CCDC12: variants seen among roughly 807,000 people sequenced by gnomAD.
The protein encoded by CCDC12 is coiled-coil domain-containing protein 12.
A neutral mutation model predicts 25.7 loss-of-function variants in CCDC12; 28 were observed. The observed-to-expected ratio is 1.09, with a 90% CI of 0.81 to 1.50. CCDC12 has a LOEUF of 1.50. Ranked by LOEUF, CCDC12 falls within the 40% of genes most tolerant of loss-of-function variation. CCDC12 has a pLI of 0.00. For synonymous variants in CCDC12, 75 were observed against 87.7 expected, an observed-to-expected ratio of 0.86 and a Z score of 0.81; for missense variants, 198 against 210.0, an observed-to-expected ratio of 0.94 and a Z score of 0.35.
chr3:46,923,635 G>T lies in CCDC12; in HGVS notation c.278C>A (p.Ala93Asp). 1 of 1,583,696 alleles carries T rather than the reference G, an allele frequency of 6.3e-7. No individual in the cohort carries two copies. Among genetic ancestry groups the T allele is most frequent in the Non-Finnish European group, 8.6e-7 (1 of 1,164,166 alleles). ...CTCCTCGATGACGGGCTCGGGCTTG[G>T]CGGCCTCCAGCTGCTCCTTCACCTT... is the stretch of plus-strand genomic sequence containing the variant. ...EEKVKEQLEA[A>D]KPEPVIEEVD... Residue 93 changes from alanine (A) to aspartate (D), a missense_variant, in exon 4 of 7, where the codon GCC becomes GAC. By Grantham distance (126) the Ala-to-Asp change is moderately radical. Transcript: ENST00000683445.
At chr3:46,977,440 T>C (rs1450360894), upstream of CCDC12, among the ~76,000 whole-genome samples, 1 of 136,794 alleles carries the variant, frequency 7.3e-6, no homozygotes, top group Non-Finnish European at 1.5e-5. Flanking sequence ...GCCACTGCAC[T>C]CCAGCCTGGC....
chr3:46,981,216 G>A (rs1388212204), upstream of CCDC12, among the ~76,000 whole-genome samples: 2 of 152,094 alleles, frequency 1.3e-5, no homozygotes, highest in Admixed American at 1.3e-4. Flanking sequence ...AGGCCGAGGC[G>A]GGCAGATCAC....
chr3:46,975,338 C>A (rs565276136), intron 1 of CCDC12, among the ~76,000 whole-genome samples: 6 of 151,702 alleles, frequency 4.0e-5, no homozygotes, highest in Admixed American at 6.6e-5. Context: ...GTGCCTGCCA[C>A]CACACCTGGC....
intron 1 of CCDC12, among the ~76,000 whole-genome samples, chr3:46,973,588 T>C (rs1575567117): frequency 1.3e-5 from 2 of 150,912 alleles, no homozygotes; most frequent in East Asian, 3.9e-4. Flanking sequence ...CAAACAGGTA[T>C]CTGTACTCCC....
intron 1 of CCDC12, chr3:46,976,204 C>T: frequency 1.3e-5 from 8 of 595,918 alleles, no homozygotes; most frequent in Non-Finnish European, 1.7e-5. Flanking sequence ...TCACTTGCTG[C>T]CCTGTCCAAG....
chr3:46,950,848 G>C (rs1264067409), intron 1 of CCDC12, among the ~76,000 whole-genome samples: 1 of 152,128 alleles, frequency 6.6e-6, no homozygotes, highest in East Asian at 1.9e-4. Context: ...CCTGTCATTT[G>C]CAACAACATG....
intron 2 of CCDC12, among the ~76,000 whole-genome samples, chr3:46,930,939 T>G (rs938815836): frequency 6.6e-6 from 1 of 152,202 alleles, no homozygotes; most frequent in Non-Finnish European, 1.5e-5. Context: ...CTGCCCTAAA[T>G]GCACCAGGCA....
chr3:46,925,270 C>T (rs528310845), intron 3 of CCDC12, 186 bp downstream of exon 3: 61 of 708,548 alleles, frequency 8.6e-5, no homozygotes, highest in South Asian at 7.5e-4. Context: ...TTCAGTGCCC[C>T]GACAGCCTCT....
At chr3:46,961,657 G>C (rs1250835449) in intron 1 of CCDC12, among the ~76,000 whole-genome samples, 1 of 152,230 alleles carries the variant, frequency 6.6e-6, no homozygotes, top group Non-Finnish European at 1.5e-5. Flanking sequence ...ATAAGTTTAA[G>C]AGTTGTCTCT....
chr3:46,938,226 A>C (rs1001949026), intron 2 of CCDC12, among the ~76,000 whole-genome samples: 3 of 152,160 alleles, frequency 2.0e-5, no homozygotes, highest in African/African-American at 7.2e-5. Flanking sequence ...GCACCTGCCC[A>C]GCTCAGTGGG....
chr3:46,976,467 G>C (rs1427429113), intron 1 of CCDC12, 170 bp downstream of exon 1: 3 of 1,428,406 alleles, frequency 2.1e-6, no homozygotes, highest in South Asian at 3.0e-5. Flanking sequence ...CCCACGCCAA[G>C]CAGCCCCAGA....
chr3:46,981,651 C>G (rs2035350788), upstream of CCDC12, among the ~76,000 whole-genome samples: 1 of 152,158 alleles, frequency 6.6e-6, no homozygotes, highest in Admixed American at 6.5e-5. Flanking sequence ...CCCTAGTCCT[C>G]CTTCCTCGGA....
chr3:46,960,206 C>A (rs1351441975), intron 1 of CCDC12, among the ~76,000 whole-genome samples: 1 of 152,088 alleles, frequency 6.6e-6, no homozygotes, highest in Non-Finnish European at 1.5e-5. Flanking sequence ...GCCTCACTGA[C>A]CCCATTTCCC....
intron 1 of CCDC12, among the ~76,000 whole-genome samples, chr3:46,960,542 C>T (rs903346116): frequency 6.6e-6 from 1 of 152,268 alleles, no homozygotes; most frequent in Non-Finnish European, 1.5e-5. Context: ...CTAGACAGAG[C>T]AGCTCTTTAG....
chr3:46,974,577 A>C (rs375793906), intron 1 of CCDC12, among the ~76,000 whole-genome samples: 5 of 141,572 alleles, frequency 3.5e-5, no homozygotes, highest in African/African-American at 1.3e-4. Flanking sequence ...GGGCTGTCTG[A>C]TATGTTCCAC....
At chr3:46,935,866 G>A (rs146643245) in intron 2 of CCDC12, among the ~76,000 whole-genome samples, 211 of 152,326 alleles carry the variant, frequency 1.4e-3, no homozygotes, top group African/African-American at 4.7e-3. Context: ...TTTTAAAAAG[G>A]AATCTGGATC....
chr3:46,935,559 G>A (rs918291341), intron 2 of CCDC12, among the ~76,000 whole-genome samples: 25 of 152,074 alleles, frequency 1.6e-4, no homozygotes, highest in African/African-American at 5.8e-4. Flanking sequence ...GCCCCTGAAT[G>A]CCCTCTTCCA....
chr3:46,957,996 C>CACACACACACATAT (rs113627328), intron 1 of CCDC12, among the ~76,000 whole-genome samples: 44 of 142,682 alleles, frequency 3.1e-4, no homozygotes, highest in South Asian at 2.6e-3. Flanking sequence ...CACACACACA[C>CACACACACACATAT]ATATATATGT....
chr3:46,923,393 G>C (rs971476573), intron 4 of CCDC12, 30 bp from the exon 5 acceptor site: 1 of 1,534,070 alleles, frequency 6.5e-7, no homozygotes, highest in African/African-American at 1.4e-5. Flanking sequence ...ACATCAGGGT[G>C]GAGGGGCCAC....
Sources: gnomAD v4.1 joint callset for allele counts (sites outside exome capture counted in the v4.1 genomes callset) on GRCh38, gnomAD v4.1.1 for gene constraint, MANE v1.5 for transcripts, NCBI Gene and HGNC (gene_info 2026-07-23, HGNC 2026-07-21) for gene names.